Variants in DLEU7 observed in about 807,000 individuals in gnomAD.
DLEU7 encodes deleted in lymphocytic leukemia 7.
Under a neutral mutation model 16.0 loss-of-function variants are expected in DLEU7, and 17 were observed. That is an observed-to-expected ratio of 1.06 (90% CI 0.73 to 1.59). The LOEUF (loss-of-function observed/expected upper bound fraction) is 1.59, where lower values mean the gene tolerates loss of function less well. DLEU7 is among the 40% of genes most tolerant of loss of function. The pLI is 0.00. For synonymous variants in DLEU7, 113 were observed against 139.8 expected (o/e 0.81, Z 1.35); for missense variants, 308 against 314.9 (o/e 0.98, Z 0.17).
At chr13:50,723,226 A>G (rs1873669464) in intron 1 of DLEU7, 1 of 152,232 alleles carries the variant, frequency 6.6e-6, no homozygotes. Context: ...TAGCAGGAAG[A>G]ATTGTATTTG....
At chr13:50,775,784 C>T (rs1349288083) in intron 1 of DLEU7, among the ~76,000 whole-genome samples, 1 of 152,200 alleles carries the variant, frequency 6.6e-6, no homozygotes, top group Non-Finnish European at 1.5e-5. Flanking sequence ...TGTTTGTTCC[C>T]AGAGTTTACA....
chr13:50,745,094 C>A (rs1048747159), intron 1 of DLEU7, among the ~76,000 whole-genome samples: 3 of 152,150 alleles, frequency 2.0e-5, no homozygotes, highest in African/African-American at 7.2e-5. Context: ...TTGAAAGCAG[C>A]AACTCTACAG....
intron 1 of DLEU7, among the ~76,000 whole-genome samples, chr13:50,787,913 C>T (rs1477669980): frequency 1.3e-5 from 2 of 152,136 alleles, no homozygotes; most frequent in African/African-American, 4.8e-5. Context: ...AACCCATATT[C>T]ACTCCTCTCT....
intron 1 of DLEU7, among the ~76,000 whole-genome samples, chr13:50,756,985 T>A (rs545241): frequency 0.47 from 71,558 of 152,022 alleles, 17,827 homozygotes; most frequent in African/African-American, 0.62. Context: ...TTAAGCCTTC[T>A]TTTATTTACT....
At chr13:50,798,931 G>A (rs967220337) in intron 1 of DLEU7, among the ~76,000 whole-genome samples, 1 of 152,132 alleles carries the variant, frequency 6.6e-6, no homozygotes, top group Non-Finnish European at 1.5e-5. Flanking sequence ...CACTGTCCAG[G>A]GCTTCTTGCT....
chr13:50,734,552 AT>A (rs1309747002), intron 1 of DLEU7, among the ~76,000 whole-genome samples: 1 of 152,184 alleles, frequency 6.6e-6, no homozygotes, highest in African/African-American at 2.4e-5. Flanking sequence ...GCACACTCAA[AT>A]TGTGATCATT....
At chr13:50,781,795 TAAA>T (rs539322410) in intron 1 of DLEU7, among the ~76,000 whole-genome samples, 2 of 151,750 alleles carry the variant, frequency 1.3e-5, no homozygotes, top group African/African-American at 4.8e-5. Context: ...ATAGAACAAA[TAAA>T]AAAAAATTCT....
intron 1 of DLEU7, among the ~76,000 whole-genome samples, chr13:50,748,047 C>T (rs1465267653): frequency 1.3e-5 from 2 of 152,296 alleles, no homozygotes; most frequent in African/African-American, 4.8e-5. Context: ...TCCTCAAAAT[C>T]AAGCGCACAA....
chr13:50,793,360 T>C (rs1876021413), intron 1 of DLEU7, among the ~76,000 whole-genome samples: 1 of 152,188 alleles, frequency 6.6e-6, no homozygotes, highest in Non-Finnish European at 1.5e-5. Flanking sequence ...TTCCTTTGGG[T>C]AGATACCCAG....
chr13:50,808,182 C>T (rs1876449678), intron 1 of DLEU7, among the ~76,000 whole-genome samples: 1 of 152,162 alleles, frequency 6.6e-6, no homozygotes, highest in African/African-American at 2.4e-5. Flanking sequence ...TGTTTGATTG[C>T]TCATTCAAAT....
chr13:50,742,378 T>C (rs1487434416), intron 1 of DLEU7, among the ~76,000 whole-genome samples: 1 of 152,224 alleles, frequency 6.6e-6, no homozygotes, highest in African/African-American at 2.4e-5. Flanking sequence ...GCTTCTTTCT[T>C]CTTTTTTATG....
intron 1 of DLEU7, among the ~76,000 whole-genome samples, chr13:50,804,419 G>C (rs184105410): frequency 7.0e-6 from 1 of 143,842 alleles, no homozygotes; most frequent in Admixed American, 7.0e-5. Context: ...GTTTTATGGG[G>C]TTTTTTTTTT....
chr13:50,762,444 C>A (rs1354653055), intron 1 of DLEU7, among the ~76,000 whole-genome samples: 1 of 152,108 alleles, frequency 6.6e-6, no homozygotes, highest in African/African-American at 2.4e-5. Context: ...GCTGTGCTCA[C>A]GGAACAGGGT....
chr13:50,784,072 A>G (rs1025974815), intron 1 of DLEU7, among the ~76,000 whole-genome samples: 3 of 152,238 alleles, frequency 2.0e-5, no homozygotes, highest in African/African-American at 4.8e-5. Flanking sequence ...TTTCTGTGCA[A>G]CCTGGATGCA....
intron 1 of DLEU7, among the ~76,000 whole-genome samples, chr13:50,717,561 C>T (rs2476618): frequency 3.6e-4 from 54 of 149,870 alleles, no homozygotes; most frequent in African/African-American, 1.2e-3. Flanking sequence ...AGCGTGAAGT[C>T]TCATTAGCTA....
In DLEU7 at chr13:50,772,705, C is replaced by T. The variant is rs185817694; in HGVS notation, c.460-59465G>A. Among the ~76,000 whole-genome samples the T allele has an allele frequency of 5.2e-3, 788 of 152,244 alleles. 5 individuals carry two copies. The highest frequency in any genetic ancestry group is 0.018 in the African/African-American group (755 of 41,546). ...TCTCTGGCTGCCCTTAACATTTTTT[C>T]CTTCATTTCAACCTTGGTGAATCTG... On this transcript the variant is annotated intron_variant, in intron 1 of 1. Transcript: ENST00000400393.
chr13:50,747,681 G>A (rs1350574396), intron 1 of DLEU7, among the ~76,000 whole-genome samples: 1 of 152,092 alleles, frequency 6.6e-6, no homozygotes, highest in Non-Finnish European at 1.5e-5. Context: ...GTTTCTGTAA[G>A]TGATGATTTT....
chr13:50,728,381 A>G (rs1393123720), intron 1 of DLEU7, among the ~76,000 whole-genome samples: 6 of 152,240 alleles, frequency 3.9e-5, no homozygotes, highest in South Asian at 2.1e-4. Context: ...AGGAATCTCT[A>G]TGCTCAAATG....
intron 1 of DLEU7, among the ~76,000 whole-genome samples, chr13:50,716,989 C>T (rs760855632): frequency 6.6e-6 from 1 of 151,992 alleles, no homozygotes; most frequent in Non-Finnish European, 1.5e-5. Flanking sequence ...TTAATTTAAA[C>T]CAATACAATT....
Sources: allele counts gnomAD v4.1 joint callset (sites outside exome capture counted in the v4.1 genomes callset), GRCh38; gene constraint gnomAD v4.1.1; transcripts MANE v1.5; gene names NCBI Gene and HGNC (gene_info 2026-07-23, HGNC 2026-07-21).